FRMD5: variants seen among roughly 807,000 people sequenced by gnomAD.
The protein encoded by FRMD5 is FERM domain containing 5.
FRMD5 carries 20 observed loss-of-function variants against 69.0 expected under a neutral mutation model. The ratio of observed to expected loss-of-function variants is 0.29; its 90% CI spans 0.20 to 0.42. The LOEUF (loss-of-function observed/expected upper bound fraction) is 0.42, where lower values mean the gene tolerates loss of function less well. Ranked by LOEUF, FRMD5 falls within the 10% of genes least tolerant of loss-of-function variation. The pLI is 1.00. For missense variants in FRMD5, 595 were observed against 708.6 expected (o/e 0.84, Z 1.82); for synonymous variants, 271 against 260.1 (o/e 1.04, Z -0.40).
In FRMD5 at chr15:44,175,724, G is replaced by A. The variant is rs576377200; in HGVS notation, c.102+19229C>T. Among the ~76,000 whole-genome samples, 3 of 152,096 alleles carry A rather than the reference G, an allele frequency of 2.0e-5. No homozygotes were observed. In the South Asian group the frequency reaches 6.2e-4, roughly 32 times the overall value. On this transcript the variant is annotated intron_variant, in intron 1 of 13. Transcript: ENST00000417257. ...AATGAAAACTCCAATGTCCCTCAAT[G>A]GGTTAATAGATGAACAAATTGTGAT... is the stretch of plus-strand genomic sequence containing the variant.
chr15:44,085,806 G>A, intron 1 of FRMD5, among the ~76,000 whole-genome samples: 1 of 152,106 alleles, frequency 6.6e-6, no homozygotes, highest in East Asian at 1.9e-4. Context: ...GCCCTATTAT[G>A]CAATCAGAAG....
Position 43,905,910 on chromosome 15 carries a change from A to G in FRMD5, c.469T>C (p.Tyr157His). 6.2e-7 allele frequency: 1 copy of G among 1,614,244 alleles called. No homozygotes were observed. The highest frequency in any genetic ancestry group is 1.1e-5 in the South Asian group (1 of 91,086). ...GGGAAAAACTGGAACTTGGAGCTGTAGCCTTCAGGGTGTTTCCCTGAGTCA... is the reference window on the plus strand; with the variant it reads ...GGGAAAAACTGGAACTTGGAGCTGTGGCCTTCAGGGTGTTTCCCTGAGTCA... ...DYDSGKHPEG[Y>H]SSKFQFFPKH... Residue 157 changes from tyrosine (Y) to histidine (H), a missense_variant, in exon 6 of 14, where the codon TAC (tyrosine) becomes CAC (histidine). By Grantham distance (83) the Tyr-to-His change is moderately conservative (BLOSUM62 2). Around this residue, in one of 5 missense-constraint regions of FRMD5, gnomAD observed 51 missense variants for 41.7 expected, o/e 1.22. Coordinates refer to ENST00000417257, the MANE Select transcript of FRMD5 (RefSeq NM_032892.5).
intron 1 of FRMD5, among the ~76,000 whole-genome samples, chr15:43,951,960 CAT>C (rs1595553219): frequency 7.4e-6 from 1 of 135,646 alleles, no homozygotes; most frequent in East Asian, 2.2e-4. Context: ...TCTGTATGTG[CAT>C]GTGTGTGTGT....
chr15:44,143,029 T>C (rs1210638243), intron 1 of FRMD5, among the ~76,000 whole-genome samples: 1 of 151,656 alleles, frequency 6.6e-6, no homozygotes, highest in Non-Finnish European at 1.5e-5. Flanking sequence ...GGCAGAGAGG[T>C]TGCACTGAGC....
chr15:43,945,826 G>A (rs920094765), intron 1 of FRMD5, among the ~76,000 whole-genome samples: 1 of 152,180 alleles, frequency 6.6e-6, no homozygotes, highest in Admixed American at 6.5e-5. Flanking sequence ...GGGAGGCCAA[G>A]GCAGGTGGAT....
chr15:43,914,412 C>G (rs977738990), intron 4 of FRMD5, among the ~76,000 whole-genome samples: 2 of 152,150 alleles, frequency 1.3e-5, no homozygotes, highest in African/African-American at 4.8e-5. Flanking sequence ...AAGTCAGAGA[C>G]TATGTTTTAT....
chr15:43,981,298 T>G (rs1356521565), intron 1 of FRMD5, among the ~76,000 whole-genome samples: 1 of 151,584 alleles, frequency 6.6e-6, no homozygotes, highest in Non-Finnish European at 1.5e-5. Context: ...TCCTGTATTC[T>G]TACAATAAAT....
intron 7 of FRMD5, among the ~76,000 whole-genome samples, chr15:43,895,772 G>A (rs2088897892): frequency 6.6e-6 from 1 of 152,192 alleles, no homozygotes; most frequent in African/African-American, 2.4e-5. Flanking sequence ...ATGAGGCTCA[G>A]CAATCAGTGT....
chr15:44,043,564 T>C (rs1302193248), intron 1 of FRMD5, among the ~76,000 whole-genome samples: 2 of 152,106 alleles, frequency 1.3e-5, no homozygotes, highest in African/African-American at 2.4e-5. Context: ...ATGGTACTGG[T>C]ACCAAAACAG....
chr15:44,100,947 G>A (rs1455439291), intron 1 of FRMD5, among the ~76,000 whole-genome samples: 7 of 151,966 alleles, frequency 4.6e-5, no homozygotes, highest in African/African-American at 1.2e-4. Context: ...TCAAGAGATC[G>A]AGACCATCCT....
chr15:43,945,916 C>T (rs1311140569), intron 1 of FRMD5, among the ~76,000 whole-genome samples: 1 of 152,108 alleles, frequency 6.6e-6, no homozygotes, highest in East Asian at 1.9e-4. Flanking sequence ...ATTAGCTGGG[C>T]ATGGTGGCAT....
intron 1 of FRMD5, among the ~76,000 whole-genome samples, chr15:43,952,071 T>C (rs1371368403): frequency 6.7e-6 from 1 of 149,594 alleles, no homozygotes; most frequent in African/African-American, 2.5e-5. Context: ...CAAACTGCCA[T>C]AGACTGTCCC....
intron 1 of FRMD5, among the ~76,000 whole-genome samples, chr15:44,107,998 T>A (rs1168169642): frequency 6.6e-6 from 1 of 152,120 alleles, no homozygotes; most frequent in Non-Finnish European, 1.5e-5. Context: ...TGCACTGAGG[T>A]CAAAAGCTTA....
intron 1 of FRMD5, among the ~76,000 whole-genome samples, chr15:44,082,213 G>A (rs1347378906): frequency 1.3e-5 from 2 of 151,806 alleles, no homozygotes; most frequent in Non-Finnish European, 2.9e-5. Flanking sequence ...GAACACAGAG[G>A]GGAAAAGTTG....
intron 1 of FRMD5, among the ~76,000 whole-genome samples, chr15:44,034,507 G>A (rs1335078219): frequency 6.6e-6 from 1 of 152,156 alleles, no homozygotes; most frequent in Non-Finnish European, 1.5e-5. Context: ...ATTAGTTTCT[G>A]CTTCTGCATC....
At chr15:44,072,942 C>G (rs1893603674) in intron 1 of FRMD5, among the ~76,000 whole-genome samples, 1 of 152,092 alleles carries the variant, frequency 6.6e-6, no homozygotes, top group African/African-American at 2.4e-5. Flanking sequence ...CCAACCTGGG[C>G]AACATAGTAA....
rs2088175497 is a variant in FRMD5, at chr15:43,872,114, GAC to G, written c.*1769_*1770del. ...TGTGATGGCAGAATTGAGCAGTTGT[GAC>G]ACAGTATGGCGTGCTAAACCAAAAT... On this transcript the variant is annotated 3_prime_UTR_variant, in exon 14 of 14. Coordinates refer to ENST00000417257, the MANE Select transcript of FRMD5 (RefSeq NM_032892.5). 6.6e-6 allele frequency: 1 copy of G among 152,230 alleles called. No individual in the cohort carries two copies. The highest frequency in any genetic ancestry group is 6.5e-5 in the Admixed American group (1 of 15,286). The allele number at this position is 152,230 out of a possible 1,614,324, so 9.4% of individuals were successfully genotyped here. A position where few individuals can be genotyped will look rare whatever the true frequency, so the allele number is the denominator to read the frequency against.
intron 1 of FRMD5, among the ~76,000 whole-genome samples, chr15:44,174,736 T>C (rs567054910): frequency 1.3e-5 from 2 of 152,304 alleles, no homozygotes; most frequent in South Asian, 2.1e-4. Flanking sequence ...TATGACAAGA[T>C]AGTGCACTGC....
chr15:43,885,771 G>C lies in FRMD5; in HGVS notation c.885-16C>G, dbSNP rs781506257. ...CTTCTCCAGCCTGTAGCAAGGCAAA[G>C]TCCAGTGTGATAGACAGCCTGAACT... is the stretch of plus-strand genomic sequence containing the variant. On this transcript the variant is annotated splice_polypyrimidine_tract_variant and intron_variant, in intron 10 of 13. Transcript: ENST00000417257. 1.9e-6 allele frequency: 3 copies of C among 1,611,316 alleles called. No homozygotes were observed. In the East Asian group the frequency reaches 6.7e-5, roughly 36 times the overall value.
Sources: allele counts gnomAD v4.1 joint callset (sites outside exome capture counted in the v4.1 genomes callset), GRCh38; gene constraint gnomAD v4.1.1; regional missense constraint gnomAD v4.1.1; transcripts MANE v1.5; gene names NCBI Gene and HGNC (gene_info 2026-07-23, HGNC 2026-07-21).